TAF1B: variants seen among roughly 807,000 people sequenced by gnomAD.
The protein encoded by TAF1B is TATA-box binding protein associated factor, RNA polymerase I subunit B.
TAF1B carries 61 observed loss-of-function variants against 83.9 expected under a neutral mutation model. The ratio of observed to expected loss-of-function variants is 0.73; its 90% confidence interval spans 0.59 to 0.90. The LOEUF (loss-of-function observed/expected upper bound fraction) is 0.90. TAF1B is among the 40% of genes least tolerant of loss of function. TAF1B has a pLI of 0.00. For missense variants in TAF1B, 625 were observed against 677.0 expected (o/e 0.92, Z 0.85); for synonymous variants, 221 against 224.6 (o/e 0.98, Z 0.14).
chr2:9,930,568 G>A (rs1666181576), intron 14 of TAF1B, among the ~76,000 whole-genome samples: 1 of 152,184 alleles, frequency 6.6e-6, no homozygotes, highest in Non-Finnish European at 1.5e-5. Context: ...ATTTGCTGAG[G>A]AGTGCTTTAC....
intron 14 of TAF1B, among the ~76,000 whole-genome samples, chr2:9,929,137 T>C: frequency 6.7e-6 from 1 of 149,896 alleles, no homozygotes; most frequent in South Asian, 2.1e-4. Flanking sequence ...TTGTCATTGG[T>C]TCTGTTTGTT....
At chr2:9,878,883 A>C (rs1664405340) in intron 7 of TAF1B, among the ~76,000 whole-genome samples, 1 of 152,232 alleles carries the variant, frequency 6.6e-6, no homozygotes, top group African/African-American at 2.4e-5. Flanking sequence ...AGGATCAGAC[A>C]GGGAAAGGCT....
intron 7 of TAF1B, among the ~76,000 whole-genome samples, chr2:9,878,976 A>G (rs1345152888): frequency 6.6e-6 from 1 of 152,202 alleles, no homozygotes; most frequent in African/African-American, 2.4e-5. Context: ...GGCCTCACCA[A>G]GAGGGTGGCA....
At chr2:9,904,109 A>T (rs879803046) in intron 8 of TAF1B, among the ~76,000 whole-genome samples, 5 of 150,754 alleles carry the variant, frequency 3.3e-5, no homozygotes, top group African/African-American at 9.8e-5. Context: ...TAAATCAGAA[A>T]TTTTTTTTTT....
At chr2:9,848,197 C>T (rs1465725670) in intron 2 of TAF1B, among the ~76,000 whole-genome samples, 1 of 152,074 alleles carries the variant, frequency 6.6e-6, no homozygotes, top group Non-Finnish European at 1.5e-5. Context: ...ACCAAAATTG[C>T]TTTGAATATG....
At chr2:9,885,618 T>C (rs936665704) in intron 8 of TAF1B, among the ~76,000 whole-genome samples, 2 of 152,188 alleles carry the variant, frequency 1.3e-5, no homozygotes, top group Non-Finnish European at 2.9e-5. Context: ...CTTTATGTCT[T>C]CACAGTTATT....
intron 4 of TAF1B, among the ~76,000 whole-genome samples, chr2:9,853,469 T>C (rs1337771677): frequency 6.8e-6 from 1 of 147,120 alleles, no homozygotes; most frequent in Non-Finnish European, 1.5e-5. Flanking sequence ...TTCTGTTTGC[T>C]TTTTTTTTTT....
rs75930871 is a variant in TAF1B, at chr2:9,913,212, G to C, written c.1234G>C (p.Asp412His). ...KWYQIMKKAFDEKKQKWEEAR... is the reference protein window; with the variant it reads ...KWYQIMKKAFHEKKQKWEEAR... ...GTACCAAATTATGAAGAAAGCTTTT[G>C]ATGAGAAAAAACAAAAATGGGAAGA... is the stretch of plus-strand genomic sequence containing the variant. Residue 412 changes from aspartate (D) to histidine (H), a missense_variant, in exon 12 of 15, where the codon GAT (aspartate) becomes CAT (histidine). By Grantham distance (81) the Asp-to-His change is moderately conservative. Coordinates refer to ENST00000263663, the MANE Select transcript of TAF1B (RefSeq NM_005680.3). 2.5e-4 allele frequency: 397 copies of C among 1,613,024 alleles called. 1 individual carries two copies. In the African/African-American group the frequency reaches 4.7e-3, roughly 19 times the overall value.
chr2:9,849,933 A>C lies in TAF1B; in HGVS notation c.205+473A>C, dbSNP rs143087989. ...TTTTGTGACTAGGTAGCTAGGACCAAATCCCCAAGTTTGAAACCAGGCTGA... is the reference window on the plus strand; with the variant it reads ...TTTTGTGACTAGGTAGCTAGGACCACATCCCCAAGTTTGAAACCAGGCTGA... On this transcript the variant is annotated intron_variant, in intron 3 of 14. Transcript: ENST00000263663. Among the ~76,000 whole-genome samples, 8 of 152,256 alleles carry C rather than the reference A, an allele frequency of 5.3e-5. No individual in the cohort carries two copies. In the East Asian group the frequency reaches 1.5e-3, roughly 29 times the overall value.
Position 9,902,041 on chromosome 2 carries a change from A to G in TAF1B, c.808-2818A>G, listed in dbSNP as rs1324932634. On this transcript the variant is annotated intron_variant, in intron 8 of 14. Coordinates refer to ENST00000263663, the MANE Select transcript of TAF1B (RefSeq NM_005680.3). ...AATGTAAGAGTTTAGCTATTGAAAT[A>G]GTTGTACCAAAATAAATATAATACA... Among the ~76,000 whole-genome samples the G allele has an allele frequency of 3.3e-5, 5 of 152,192 alleles. 1 individual carries two copies.
intron 5 of TAF1B, among the ~76,000 whole-genome samples, chr2:9,855,015 A>C (rs1426514294): frequency 2.0e-5 from 3 of 151,988 alleles, no homozygotes; most frequent in Non-Finnish European, 4.4e-5. Flanking sequence ...TTTTTTTGAG[A>C]CGGAGTTTCA....
intron 14 of TAF1B, among the ~76,000 whole-genome samples, chr2:9,922,090 G>A (rs1292589038): frequency 6.6e-6 from 1 of 152,184 alleles, no homozygotes; most frequent in Non-Finnish European, 1.5e-5. Flanking sequence ...AAATTTTCTA[G>A]TAGCTAAGAG....
intron 5 of TAF1B, among the ~76,000 whole-genome samples, chr2:9,867,379 G>A (rs1378830628): frequency 6.6e-6 from 1 of 152,252 alleles, no homozygotes; most frequent in African/African-American, 2.4e-5. Flanking sequence ...ATGCTCATCA[G>A]CCAGCTTTCT....
chr2:9,866,363 AT>A (rs1341209826), intron 5 of TAF1B, among the ~76,000 whole-genome samples: 1 of 152,210 alleles, frequency 6.6e-6, no homozygotes, highest in Non-Finnish European at 1.5e-5. Flanking sequence ...CATCAGAGAA[AT>A]GCAAATCAAA....
In TAF1B at chr2:9,845,434, A is replaced by G; in HGVS notation, c.117+116A>G. 5.4e-6 allele frequency: 4 copies of G among 742,792 alleles called. No individual in the cohort carries two copies. In the South Asian group the frequency reaches 6.4e-5, roughly 12 times the overall value. 46.0% of individuals were successfully genotyped at this position (742,792 alleles called of 1,614,324 possible). A position where few individuals can be genotyped will look rare whatever the true frequency, so the allele number is the denominator to read the frequency against. On this transcript the variant is annotated intron_variant, in intron 2 of 14. Coordinates refer to ENST00000263663, the MANE Select transcript of TAF1B (RefSeq NM_005680.3). ...TGATTTTTGTCACTCATGCAATGCC[A>G]ACATTCCAAGGATGCATGTGGTCTT...
chr2:9,869,342 A>C (rs914639396), intron 6 of TAF1B, among the ~76,000 whole-genome samples: 2 of 151,912 alleles, frequency 1.3e-5, no homozygotes, highest in Admixed American at 6.5e-5. Flanking sequence ...CTCCTACCTC[A>C]GCCTCCTGAG....
At chr2:9,866,443 C>A (rs1319276651) in intron 5 of TAF1B, among the ~76,000 whole-genome samples, 1 of 151,398 alleles carries the variant, frequency 6.6e-6, no homozygotes, top group Non-Finnish European at 1.5e-5. Context: ...ACAACAGGTG[C>A]TGGAGAGGAT....
intron 11 of TAF1B, 127 bp downstream of exon 11, chr2:9,911,684 T>C: frequency 1.8e-6 from 1 of 546,074 alleles, no homozygotes; most frequent in Non-Finnish European, 3.0e-6. Flanking sequence ...ACAAATTGTA[T>C]ATTGTACCAG....
chr2:9,928,596 T>G (rs1385172545), intron 14 of TAF1B, among the ~76,000 whole-genome samples: 1 of 152,240 alleles, frequency 6.6e-6, no homozygotes, highest in East Asian at 1.9e-4. Context: ...GTTGGATTCC[T>G]AGGTATTTTA....
Sources: allele counts gnomAD v4.1 joint callset (sites outside exome capture counted in the v4.1 genomes callset), GRCh38; gene constraint gnomAD v4.1.1; transcripts MANE v1.5; gene names NCBI Gene and HGNC (gene_info 2026-07-23, HGNC 2026-07-21).